Variants in ASAP2 observed in about 807,000 individuals in gnomAD.
ASAP2 encodes the protein arf-GAP with SH3 domain, ANK repeat and PH domain-containing protein 2.
Under a neutral mutation model 131.4 loss-of-function variants are expected in ASAP2, and 45 were observed. The observed-to-expected ratio is 0.34, with a 90% CI of 0.27 to 0.44. The LOEUF (loss-of-function observed/expected upper bound fraction) is 0.44. Ranked by LOEUF, ASAP2 falls within the 20% of genes least tolerant of loss-of-function variation. The pLI is 1.00. For synonymous variants in ASAP2, 510 were observed against 503.0 expected (o/e 1.01, Z -0.19); for missense variants, 1,011 against 1,297.0 (o/e 0.78, Z 3.39).
chr2:9,240,435 G>C (rs920983255), intron 1 of ASAP2, among the ~76,000 whole-genome samples: 1 of 151,558 alleles, frequency 6.6e-6, no homozygotes, highest in South Asian at 2.1e-4. Flanking sequence ...TTGTAGAGAT[G>C]GGGTTTCTCC....
At position 9,388,396 on chromosome 2, in the gene ASAP2, C is replaced by T; in HGVS notation, c.2233C>T (p.Leu745Phe). 1 of 1,614,164 alleles carries T rather than the reference C, an allele frequency of 6.2e-7. No homozygotes were observed. The highest frequency in any genetic ancestry group is 8.5e-7 in the Non-Finnish European group (1 of 1,180,032). The change falls in exon 22 of 28, where the codon CTT (leucine) becomes TTT (phenylalanine). Residue 745 changes from leucine (L) to phenylalanine (F), a missense_variant. Around this residue, in one of 2 missense-constraint regions of ASAP2, gnomAD observed 652 missense variants for 698.9 expected, o/e 0.93. Transcript: ENST00000281419. ...ATCTTTGGCCAGAGATGCTGCAAAC[C>T]TTGCCAAGGAGAAGCAGAGGGCTTT... is the stretch of plus-strand genomic sequence containing the variant. ...AVSLARDAAN[L>F]AKEKQRAFMP...
chr2:9,374,123 CT>C (rs1279986530), intron 16 of ASAP2, among the ~76,000 whole-genome samples: 2 of 152,220 alleles, frequency 1.3e-5, no homozygotes, highest in African/African-American at 4.8e-5. Flanking sequence ...CCTTTTGTTC[CT>C]GCTTCTGTAG....
At chr2:9,322,864 C>A (rs76847510) in intron 5 of ASAP2, among the ~76,000 whole-genome samples, 4,770 of 152,284 alleles carry the variant, frequency 0.031, 192 homozygotes, top group African/African-American at 0.099. Flanking sequence ...AAGCCCTGTG[C>A]AGACTTCCTA....
intron 5 of ASAP2, among the ~76,000 whole-genome samples, chr2:9,320,710 G>A (rs1670098262): frequency 6.6e-6 from 1 of 152,136 alleles, no homozygotes; most frequent in Non-Finnish European, 1.5e-5. Flanking sequence ...TCATCTTCCT[G>A]GTGATTTGTG....
intron 3 of ASAP2, among the ~76,000 whole-genome samples, chr2:9,316,892 C>T (rs186234587): frequency 2.0e-5 from 3 of 151,640 alleles, no homozygotes; most frequent in Middle Eastern, 6.8e-3. Context: ...CTTTTATCTC[C>T]TTTGCCTAGC....
chr2:9,352,879 T>C (rs142694391), intron 12 of ASAP2, among the ~76,000 whole-genome samples: 2 of 152,230 alleles, frequency 1.3e-5, no homozygotes, highest in Admixed American at 1.3e-4. Context: ...GAGTCCATTG[T>C]CATCTTTGAA....
At chr2:9,270,759 C>T (rs1012466053) in intron 1 of ASAP2, among the ~76,000 whole-genome samples, 10 of 145,728 alleles carry the variant, frequency 6.9e-5, no homozygotes, top group Non-Finnish European at 1.4e-4. Context: ...CTTCTACTGT[C>T]AGTCTCCATG....
intron 1 of ASAP2, among the ~76,000 whole-genome samples, chr2:9,241,048 G>C (rs920542219): frequency 6.6e-6 from 1 of 152,184 alleles, no homozygotes; most frequent in African/African-American, 2.4e-5. Flanking sequence ...TAAAAGTTAT[G>C]AATTGCTTAT....
At chr2:9,209,257 T>C (rs1661364115) in intron 1 of ASAP2, among the ~76,000 whole-genome samples, 1 of 152,228 alleles carries the variant, frequency 6.6e-6, no homozygotes, top group African/African-American at 2.4e-5. Context: ...GATGATGGTA[T>C]GTGTGAGCTT....
At chr2:9,315,690 C>T (rs998715419) in intron 3 of ASAP2, among the ~76,000 whole-genome samples, 15 of 152,104 alleles carry the variant, frequency 9.9e-5, no homozygotes, top group Admixed American at 8.5e-4. Context: ...TCTAGGCGTG[C>T]TTGCTGTCGT....
intron 15 of ASAP2, among the ~76,000 whole-genome samples, chr2:9,360,420 C>T (rs1673002663): frequency 6.6e-6 from 1 of 152,106 alleles, no homozygotes; most frequent in Non-Finnish European, 1.5e-5. Flanking sequence ...GATACCAGAC[C>T]TCACACTTAA....
chr2:9,338,190 G>C (rs999388323), intron 9 of ASAP2, among the ~76,000 whole-genome samples: 1 of 152,154 alleles, frequency 6.6e-6, no homozygotes, highest in Non-Finnish European at 1.5e-5. Context: ...ACCCAGACTT[G>C]TGTGCTTCTA....
intron 6 of ASAP2, among the ~76,000 whole-genome samples, chr2:9,324,555 G>A (rs1670359885): frequency 6.6e-6 from 1 of 152,140 alleles, no homozygotes. Context: ...ATCACATGGT[G>A]GGGGCCTCAC....
chr2:9,338,057 C>T (rs1671333982), intron 9 of ASAP2, among the ~76,000 whole-genome samples: 1 of 152,220 alleles, frequency 6.6e-6, no homozygotes, highest in African/African-American at 2.4e-5. Context: ...TCGCCTCCTG[C>T]CTTCCCCATC....
chr2:9,297,459 T>A lies in ASAP2; in HGVS notation c.345+14T>A. On this transcript the variant is annotated intron_variant, in intron 3 of 27. Coordinates refer to ENST00000281419, the MANE Select transcript of ASAP2 (RefSeq NM_003887.3). Reference sequence around the variant, plus strand: ...TTCAAAAACCTGGTAAGCAGCTCTGTGTATGAAATGCTGCGGTTACTTCAG... The same window carrying A: ...TTCAAAAACCTGGTAAGCAGCTCTGAGTATGAAATGCTGCGGTTACTTCAG... 6.2e-7 allele frequency: 1 copy of A among 1,613,672 alleles called. No homozygotes were observed. The highest frequency in any genetic ancestry group is 8.5e-7 in the Non-Finnish European group (1 of 1,179,550).
chr2:9,349,456 A>G (rs1308421510), intron 11 of ASAP2, among the ~76,000 whole-genome samples: 2 of 152,188 alleles, frequency 1.3e-5, no homozygotes, highest in Admixed American at 1.3e-4. Context: ...TGGTTCCTGG[A>G]TAAGTTAGGT....
chr2:9,401,142 C>G (rs553695765), intron 26 of ASAP2, 132 bp from the exon 27 acceptor site: 8 of 1,147,486 alleles, frequency 7.0e-6, no homozygotes, highest in Non-Finnish European at 1.0e-5. Context: ...ACCTGCCCCA[C>G]CTTGGCATCT....
chr2:9,235,690 C>T (rs1663502185), intron 1 of ASAP2, among the ~76,000 whole-genome samples: 2 of 152,104 alleles, frequency 1.3e-5, no homozygotes, highest in African/African-American at 4.8e-5. Context: ...TGGCTGACAG[C>T]TGAGGTGTCG....
intron 1 of ASAP2, among the ~76,000 whole-genome samples, chr2:9,240,047 A>G (rs1663838511): frequency 6.6e-6 from 1 of 152,036 alleles, no homozygotes. Flanking sequence ...TCAGGGTGAA[A>G]AAACTAGTCA....
Sources: gnomAD v4.1 joint callset for allele counts (sites outside exome capture counted in the v4.1 genomes callset) on GRCh38, gnomAD v4.1.1 for gene constraint, gnomAD v4.1.1 regional missense constraint, MANE v1.5 for transcripts, NCBI Gene and HGNC (gene_info 2026-07-23, HGNC 2026-07-21) for gene names.